The following GHR variants were observed in gnomAD, a reference collection of about 807,000 sequenced individuals.
GHR encodes the protein GH receptor.
A neutral mutation model predicts 67.1 loss-of-function variants in GHR; 35 were observed. The observed-to-expected ratio is 0.52, with a 90% CI of 0.40 to 0.69. GHR has a LOEUF of 0.69. Ranked by LOEUF, GHR falls within the 30% of genes least tolerant of loss-of-function variation. GHR has a pLI of 0.00. For synonymous variants in GHR, 272 were observed against 269.1 expected, an observed-to-expected ratio of 1.01 and a Z score of -0.10; for missense variants, 792 against 764.6, an observed-to-expected ratio of 1.04 and a Z score of -0.42.
chr5:42,530,666 T>C (rs1747924735), intron 1 of GHR, among the ~76,000 whole-genome samples: 1 of 152,220 alleles, frequency 6.6e-6, no homozygotes, highest in Admixed American at 6.5e-5. Context: ...CTGTGGAAAT[T>C]GCTGCTAGCA....
At chr5:42,693,732 A>C (rs1757537908) in intron 4 of GHR, among the ~76,000 whole-genome samples, 1 of 152,116 alleles carries the variant, frequency 6.6e-6, no homozygotes, top group Admixed American at 6.6e-5. Flanking sequence ...CATCCCACAG[A>C]GGGATGGTCC....
intron 2 of GHR, among the ~76,000 whole-genome samples, chr5:42,599,411 G>A (rs1036371131): frequency 1.4e-4 from 20 of 138,924 alleles, no homozygotes; most frequent in Non-Finnish European, 2.4e-4. Context: ...CACCCAGGCC[G>A]GAGTGCAGTG....
At chr5:42,628,965 T>A (rs1753829721) in intron 2 of GHR, 73 bp from the exon 3 acceptor site, 1 of 901,530 alleles carries the variant, frequency 1.1e-6, no homozygotes, top group Non-Finnish European at 1.8e-6. Flanking sequence ...GGATTTTGTT[T>A]TTAGTTTACA....
intron 1 of GHR, among the ~76,000 whole-genome samples, chr5:42,434,444 C>A (rs755299369): frequency 6.6e-6 from 1 of 152,090 alleles, no homozygotes; most frequent in South Asian, 2.1e-4. Context: ...TCCTCAAATG[C>A]CAGTAGATCC....
chr5:42,597,256 G>A (rs1752119500), intron 2 of GHR, among the ~76,000 whole-genome samples: 1 of 152,182 alleles, frequency 6.6e-6, no homozygotes, highest in Non-Finnish European at 1.5e-5. Flanking sequence ...ATGCATAAGA[G>A]ACATAAGTAA....
intron 2 of GHR, 38 bp downstream of exon 2, chr5:42,565,982 G>A: frequency 6.2e-7 from 1 of 1,609,574 alleles, no homozygotes; most frequent in Non-Finnish European, 8.5e-7. Context: ...TCAGTGTTTT[G>A]AAACAACACT....
chr5:42,633,258 T>G (rs1754015969), intron 3 of GHR, among the ~76,000 whole-genome samples: 1 of 152,180 alleles, frequency 6.6e-6, no homozygotes, highest in South Asian at 2.1e-4. Flanking sequence ...TGGAGCAAGT[T>G]TTATTGACTG....
intron 1 of GHR, among the ~76,000 whole-genome samples, chr5:42,539,758 T>C (rs1748418136): frequency 6.6e-6 from 1 of 152,192 alleles, no homozygotes; most frequent in South Asian, 2.1e-4. Flanking sequence ...TGCCTTGGTA[T>C]TTGCTAGACT....
intron 1 of GHR, chr5:42,565,401 T>A (rs945031873): frequency 1.0e-6 from 1 of 967,260 alleles, no homozygotes; most frequent in Non-Finnish European, 1.2e-6. Flanking sequence ...TTTTGTTCAC[T>A]GGGAAACAGA....
intron 1 of GHR, among the ~76,000 whole-genome samples, chr5:42,544,892 A>C (rs1748670562): frequency 6.6e-6 from 1 of 152,210 alleles, no homozygotes. Context: ...AATATGAATT[A>C]AATTTGATAT....
At chr5:42,471,621 A>C (rs1490422419) in intron 1 of GHR, among the ~76,000 whole-genome samples, 2 of 152,212 alleles carry the variant, frequency 1.3e-5, no homozygotes. Flanking sequence ...AAATTAGTTA[A>C]CTTTCCTGTG....
At chr5:42,703,225 A>AT (rs1186825503) in intron 6 of GHR, among the ~76,000 whole-genome samples, 4 of 151,924 alleles carry the variant, frequency 2.6e-5, no homozygotes, top group African/African-American at 9.7e-5. Flanking sequence ...TTTTGAGTTT[A>AT]TTTTTGTATA....
intron 3 of GHR, among the ~76,000 whole-genome samples, chr5:42,661,181 C>T (rs371500255): frequency 6.6e-6 from 1 of 152,206 alleles, no homozygotes; most frequent in African/African-American, 2.4e-5. Context: ...AAACACTCTG[C>T]AGGATATTAT....
In GHR at chr5:42,650,578, C is replaced by CATATATATATATATAT. The variant is rs35408817; in HGVS notation, c.136+21484_136+21499dup. ...CCAATGTACTCACTTTTACAGATAA[C>CATATATATATATATAT]ATATATATATATATATATATATATG... is the stretch of plus-strand genomic sequence containing the variant. On this transcript the variant is annotated intron_variant, in intron 3 of 9. Coordinates refer to ENST00000230882, the MANE Select transcript of GHR (RefSeq NM_000163.5). 3.6e-3 allele frequency among the ~76,000 whole-genome samples: 461 copies of CATATATATATATATAT among 128,798 alleles called. 2 individuals are homozygous for CATATATATATATATAT. The highest frequency in any genetic ancestry group is 5.1e-3 in the South Asian group (20 of 3,950). 84.5% of individuals were successfully genotyped at this position (128,798 alleles called of 152,430 possible).
At chr5:42,478,938 A>G (rs573408089) in intron 1 of GHR, among the ~76,000 whole-genome samples, 6 of 152,302 alleles carry the variant, frequency 3.9e-5, no homozygotes, top group Admixed American at 3.3e-4. Context: ...AGGAGTGGTG[A>G]GAAAGGGCAT....
At chr5:42,685,938 T>G (rs1171837841) in intron 3 of GHR, among the ~76,000 whole-genome samples, 2 of 152,232 alleles carry the variant, frequency 1.3e-5, no homozygotes, top group African/African-American at 4.8e-5. Context: ...AGAAGCTCTT[T>G]AGTTTAATTA....
chr5:42,473,873 CAAAAAAA>C (rs532325898), intron 1 of GHR, among the ~76,000 whole-genome samples: 1 of 83,142 alleles, frequency 1.2e-5, no homozygotes, highest in Non-Finnish European at 2.5e-5. Flanking sequence ...GACTTTGTCT[CAAAAAAA>C]AAAAAAAAAA....
At chr5:42,454,541 C>A (rs1458823274) in intron 1 of GHR, among the ~76,000 whole-genome samples, 1 of 152,090 alleles carries the variant, frequency 6.6e-6, no homozygotes, top group Non-Finnish European at 1.5e-5. Flanking sequence ...GCCACAGCCA[C>A]TATGTAGGAT....
At chr5:42,669,551 T>C (rs1183272500) in intron 3 of GHR, among the ~76,000 whole-genome samples, 1 of 152,158 alleles carries the variant, frequency 6.6e-6, no homozygotes, top group East Asian at 1.9e-4. Flanking sequence ...TACTTTTTCC[T>C]ACCATTCCTG....
Sources: gnomAD v4.1 joint callset for allele counts (sites outside exome capture counted in the v4.1 genomes callset) on GRCh38, gnomAD v4.1.1 for gene constraint, MANE v1.5 for transcripts, NCBI Gene and HGNC (gene_info 2026-07-23, HGNC 2026-07-21) for gene names.